Variants in SEMA3E observed in about 807,000 individuals in gnomAD.
SEMA3E encodes the protein semaphorin-3E.
Under a neutral mutation model 93.6 loss-of-function variants are expected in SEMA3E, and 49 were observed. The observed-to-expected ratio is 0.52, with a 90% CI of 0.42 to 0.66. The LOEUF (loss-of-function observed/expected upper bound fraction) is 0.66. Among genes scored for constraint, SEMA3E ranks in the 30% least tolerant of loss-of-function variants. The pLI is 0.00. For missense variants in SEMA3E, 906 were observed against 964.8 expected (o/e 0.94, Z 0.81); for synonymous variants, 363 against 330.7 (o/e 1.10, Z -1.06).
chr7:83,418,521 T>G (rs887446628), intron 4 of SEMA3E, 38 bp from the exon 5 acceptor site: 1 of 1,327,926 alleles, frequency 7.5e-7, no homozygotes, highest in African/African-American at 1.4e-5. Flanking sequence ...TGAATATGCC[T>G]CCTCTAATAA....
chr7:83,394,741 A>C (rs1450301319), intron 12 of SEMA3E, among the ~76,000 whole-genome samples: 2 of 152,222 alleles, frequency 1.3e-5, no homozygotes, highest in Admixed American at 6.6e-5. Flanking sequence ...CTAATAAACC[A>C]GGTGATTTTA....
At chr7:83,476,613 G>A (rs1790015352) in intron 2 of SEMA3E, among the ~76,000 whole-genome samples, 1 of 152,140 alleles carries the variant, frequency 6.6e-6, no homozygotes, top group Non-Finnish European at 1.5e-5. Flanking sequence ...ACAATATATG[G>A]CAAAGAAAGA....
At chr7:83,396,282 C>A (rs1339352720) in intron 12 of SEMA3E, among the ~76,000 whole-genome samples, 1 of 151,912 alleles carries the variant, frequency 6.6e-6, no homozygotes, top group Non-Finnish European at 1.5e-5. Context: ...GCTTATCTTG[C>A]CTCAATGTTC....
intron 4 of SEMA3E, chr7:83,462,072 G>A (rs1023347803): frequency 6.6e-6 from 1 of 152,262 alleles, no homozygotes; most frequent in Non-Finnish European, 1.5e-5. Flanking sequence ...CAGAGCCCCT[G>A]GAACTCTGGC....
At position 83,400,086 on chromosome 7, in the gene SEMA3E, T is replaced by A. The variant is rs2115616225; in HGVS notation, c.1308A>T (p.Ile436=). The change falls in exon 11 of 17, where the codon ATA becomes ATT. Residue 436 remains isoleucine (I), a synonymous_variant. Transcript: ENST00000643230. ...CCTCAGCTTCCACTCGATCTACTGC[T>A]ATTTGTTTCAGGTTATATTTTCCAT... ...KTDGKYNLKQ[I]AVDRVEAEDG... 6.2e-7 allele frequency: 1 copy of A among 1,614,110 alleles called. No individual in the cohort carries two copies. The highest frequency in any genetic ancestry group is 8.5e-7 in the Non-Finnish European group (1 of 1,179,978).
At chr7:83,388,351 A>G (rs1787927064) in intron 14 of SEMA3E, among the ~76,000 whole-genome samples, 1 of 144,660 alleles carries the variant, frequency 6.9e-6, no homozygotes, top group Non-Finnish European at 1.5e-5. Flanking sequence ...ATCTTTAAAT[A>G]TATAATATAA....
chr7:83,516,785 G>T (rs1288867001), intron 1 of SEMA3E, among the ~76,000 whole-genome samples: 1 of 151,928 alleles, frequency 6.6e-6, no homozygotes, highest in South Asian at 2.1e-4. Flanking sequence ...CCCCTGCTAC[G>T]TTATGTTTTT....
intron 1 of SEMA3E, among the ~76,000 whole-genome samples, chr7:83,599,663 C>CTATT (rs1792942485): frequency 6.6e-6 from 1 of 152,046 alleles, no homozygotes; most frequent in Admixed American, 6.6e-5. Context: ...ATTCAGAAAA[C>CTATT]CAGTTAATAC....
At chr7:83,422,863 G>C (rs373272256) in intron 4 of SEMA3E, among the ~76,000 whole-genome samples, 2 of 152,190 alleles carry the variant, frequency 1.3e-5, no homozygotes, top group African/African-American at 4.8e-5. Context: ...AAAACTGAAA[G>C]AATTTTAAGA....
intron 1 of SEMA3E, among the ~76,000 whole-genome samples, chr7:83,574,310 A>G (rs1170125247): frequency 6.6e-6 from 1 of 152,188 alleles, no homozygotes; most frequent in Non-Finnish European, 1.5e-5. Flanking sequence ...TTTTCCTTGT[A>G]GTATAAATGA....
chr7:83,488,157 A>G (rs1790305101), intron 2 of SEMA3E, among the ~76,000 whole-genome samples: 1 of 152,088 alleles, frequency 6.6e-6, no homozygotes. Context: ...GTTTCAAAGT[A>G]TGCATAATAA....
At chr7:83,616,727 C>CTTT (rs542862891) in intron 1 of SEMA3E, 35 of 417,482 alleles carry the variant, frequency 8.4e-5, no homozygotes, top group African/African-American at 1.1e-4. Flanking sequence ...TTCTTTCTTT[C>CTTT]TTTTTTTTTT....
chr7:83,430,446 C>T (rs1001477876), intron 4 of SEMA3E, among the ~76,000 whole-genome samples: 5 of 150,996 alleles, frequency 3.3e-5, no homozygotes, highest in Non-Finnish European at 5.9e-5. Context: ...GCCTGGGTGA[C>T]GTTAAAAAAA....
At chr7:83,644,157 G>C (rs1160183468) in intron 1 of SEMA3E, among the ~76,000 whole-genome samples, 1 of 151,168 alleles carries the variant, frequency 6.6e-6, no homozygotes, top group Non-Finnish European at 1.5e-5. Context: ...GTGTGTTGTA[G>C]AGTGAATACA....
chr7:83,399,979 A>T, intron 11 of SEMA3E, 49 bp downstream of exon 11: 1 of 1,371,816 alleles, frequency 7.3e-7, no homozygotes, highest in Non-Finnish European at 1.0e-6. Flanking sequence ...AAAATTATTG[A>T]ATTTAAGGGT....
chr7:83,460,548 C>A (rs1170089847), intron 4 of SEMA3E, among the ~76,000 whole-genome samples: 2 of 151,792 alleles, frequency 1.3e-5, no homozygotes, highest in Admixed American at 6.6e-5. Flanking sequence ...TGGTCCTTCA[C>A]CTTTAGCGGC....
intron 1 of SEMA3E, among the ~76,000 whole-genome samples, chr7:83,503,809 T>C (rs187530581): frequency 2.0e-5 from 3 of 152,320 alleles, no homozygotes; most frequent in African/African-American, 7.2e-5. Flanking sequence ...ATATAAGTTG[T>C]CTGCCACTGA....
intron 1 of SEMA3E, among the ~76,000 whole-genome samples, chr7:83,634,924 G>A (rs1261108831): frequency 6.6e-6 from 1 of 151,882 alleles, no homozygotes; most frequent in Non-Finnish European, 1.5e-5. Context: ...TATAACATTT[G>A]ACTTTGAAAA....
intron 1 of SEMA3E, among the ~76,000 whole-genome samples, chr7:83,608,870 G>A (rs775018209): frequency 5.9e-5 from 9 of 152,056 alleles, no homozygotes; most frequent in Non-Finnish European, 1.3e-4. Flanking sequence ...AAGTCTCATT[G>A]TTTGAGAGAT....
Sources: allele counts gnomAD v4.1 joint callset (sites outside exome capture counted in the v4.1 genomes callset), GRCh38; gene constraint gnomAD v4.1.1; transcripts MANE v1.5; gene names NCBI Gene and HGNC (gene_info 2026-07-23, HGNC 2026-07-21).